ACTR10: variants seen among roughly 807,000 people sequenced by gnomAD.
The protein encoded by ACTR10 is actin related protein 10.
A neutral mutation model predicts 56.2 loss-of-function variants in ACTR10; 43 were observed. The observed-to-expected ratio is 0.77, with a 90% confidence interval of 0.60 to 0.99. The LOEUF (loss-of-function observed/expected upper bound fraction) is 0.99, where lower values mean the gene tolerates loss of function less well. Among genes scored for constraint, ACTR10 ranks in the 50% least tolerant of loss-of-function variants. The pLI, the probability that ACTR10 is intolerant of heterozygous loss-of-function variation, is 0.00. For missense variants in ACTR10, 466 were observed against 507.8 expected (o/e 0.92, Z 0.79); for synonymous variants, 170 against 176.3 (o/e 0.96, Z 0.28).
At chr14:58,226,755 A>G (rs1328936259) in intron 10 of ACTR10, among the ~76,000 whole-genome samples, 1 of 152,036 alleles carries the variant, frequency 6.6e-6, no homozygotes, top group East Asian at 1.9e-4. Context: ...CATGCGCACC[A>G]TGCCCAGCTA....
Position 58,232,071 on chromosome 14 carries a change from G to T in ACTR10, c.876G>T (p.Pro292=). The T allele has an allele frequency of 6.2e-7, 1 of 1,610,588 alleles. No homozygotes were observed. Among genetic ancestry groups the T allele is most frequent in the Non-Finnish European group, 8.5e-7 (1 of 1,177,450 alleles). Residue 292 remains proline (P), a synonymous_variant, in exon 12 of 13, where the codon CCG becomes CCT. Coordinates refer to ENST00000254286, the MANE Select transcript of ACTR10 (RefSeq NM_018477.3). ...TTTTTTCTTTTTAATAACAGTGTCC[G>T]ATAGACACCAGGAAGCAACTAGCAG... The part of the protein sequence containing the change: ...TLILDSLIQC[P]IDTRKQLAEN...
chr14:58,230,683 G>C (rs1032950536), intron 11 of ACTR10, among the ~76,000 whole-genome samples: 23 of 151,090 alleles, frequency 1.5e-4, no homozygotes, highest in African/African-American at 5.1e-4. Flanking sequence ...AAATTTTATA[G>C]TTCATGAGTT....
chr14:58,233,582 T>G (rs1889596727), intron 12 of ACTR10, among the ~76,000 whole-genome samples: 2 of 152,230 alleles, frequency 1.3e-5, no homozygotes, highest in Admixed American at 6.5e-5. Flanking sequence ...CAGTCAACAG[T>G]AGACTATTGG....
chr14:58,230,305 TAAAA>T (rs1264479115), intron 10 of ACTR10, 90 bp from the exon 11 acceptor site: 2 of 626,256 alleles, frequency 3.2e-6, no homozygotes, highest in Admixed American at 6.1e-5. Flanking sequence ...TATTGGTACT[TAAAA>T]ATACTATGTA....
chr14:58,219,788 T>C, intron 8 of ACTR10, 59 bp downstream of exon 8: 1 of 1,105,636 alleles, frequency 9.0e-7, no homozygotes, highest in Non-Finnish European at 1.3e-6. Flanking sequence ...GGAGGGCATA[T>C]GCTTCTAAAC....
intron 8 of ACTR10, among the ~76,000 whole-genome samples, chr14:58,220,759 A>G (rs1889246186): frequency 6.6e-6 from 1 of 152,230 alleles, no homozygotes; most frequent in Admixed American, 6.5e-5. Context: ...TATTGTTAGT[A>G]GTAAGGATTG....
intron 7 of ACTR10, among the ~76,000 whole-genome samples, chr14:58,217,846 C>T (rs1889172961): frequency 1.3e-5 from 2 of 152,046 alleles, no homozygotes; most frequent in African/African-American, 2.4e-5. Flanking sequence ...ATCATAGTAA[C>T]TCAAAAAGGC....
Position 58,213,643 on chromosome 14 carries a change from A to G in ACTR10, c.463A>G (p.Ile155Val), listed in dbSNP as rs1208011649. 6.2e-7 allele frequency: 1 copy of G among 1,611,264 alleles called. No homozygotes were observed. Among genetic ancestry groups the G allele is most frequent in the South Asian group, 1.1e-5 (1 of 90,832 alleles). Residue 155 changes from isoleucine (I) to valine (V), a missense_variant, in exon 6 of 13, where the codon ATC (isoleucine) becomes GTC (valine). Coordinates refer to ENST00000254286, the MANE Select transcript of ACTR10 (RefSeq NM_018477.3). ...GACTACTCTATAGATATATGAAGGA[A>G]TCCCAGTTCTAAATTGTTGGGGAGC... The part of the protein sequence containing the change: ...ESLVLPIYEG[I>V]PVLNCWGALP...
intron 7 of ACTR10, among the ~76,000 whole-genome samples, chr14:58,216,296 T>G (rs1037363293): frequency 7.2e-5 from 11 of 152,080 alleles, no homozygotes; most frequent in Non-Finnish European, 1.2e-4. Flanking sequence ...AGCTAATTTT[T>G]GGGGGGTACA....
At chr14:58,208,043 T>C in intron 3 of ACTR10, 25 bp downstream of exon 3, 1 of 1,492,610 alleles carries the variant, frequency 6.7e-7, no homozygotes, top group Non-Finnish European at 8.9e-7. Context: ...GTTTTCTAGC[T>C]TTTATGATTA....
At position 58,232,122 on chromosome 14, in the gene ACTR10, T is replaced by G. The variant is rs534887270; in HGVS notation, c.927T>G (p.Thr309=). The change falls in exon 12 of 13, where the codon ACT becomes ACG. Residue 309 remains threonine, a synonymous_variant. Transcript: ENST00000254286. ...LAENLVVIGG[T]SMLPGFLHRL... ...AGAATTTGGTAGTCATAGGTGGCAC[T>G]TCTATGTTGCCAGGATTTCTCCACA... The G allele has an allele frequency of 1.2e-6, 2 of 1,613,978 alleles. No individual in the cohort carries two copies. The highest frequency in any genetic ancestry group is 2.2e-5 in the South Asian group (2 of 91,080).
chr14:58,204,683 A>C (rs1888813462), intron 2 of ACTR10, among the ~76,000 whole-genome samples: 1 of 152,238 alleles, frequency 6.6e-6, no homozygotes, highest in Admixed American at 6.5e-5. Context: ...AATGCAACCC[A>C]ACAGAGTCAT....
intron 10 of ACTR10, among the ~76,000 whole-genome samples, chr14:58,228,167 CATATT>C (rs1184394739): frequency 6.6e-6 from 1 of 152,190 alleles, no homozygotes; most frequent in African/African-American, 2.4e-5. Context: ...ATTATCATCT[CATATT>C]AGAGACCCAA....
At position 58,200,195 on chromosome 14, in the gene ACTR10, TTC is replaced by T. The variant is rs1778975961; in HGVS notation, c.-18_-17del. On this transcript the variant is annotated 5_prime_UTR_variant, in exon 1 of 13. Transcript: ENST00000254286. ...GTTGGCCGCGGAGACTGCGACCCTC[TTC>T]TCTCAGTCTGCCTTACTACCATGCC... is the stretch of plus-strand genomic sequence containing the variant. The T allele has an allele frequency of 7.3e-6, 11 of 1,504,084 alleles. No individual in the cohort carries two copies. Among genetic ancestry groups the T allele is most frequent in the African/African-American group, 1.4e-5 (1 of 69,852 alleles). 93.2% of individuals were successfully genotyped at this position (1,504,084 alleles called of 1,614,324 possible). A position where few individuals can be genotyped will look rare whatever the true frequency, so the allele number is the denominator to read the frequency against.
At chr14:58,210,396 T>G (rs2140047241) in intron 4 of ACTR10, among the ~76,000 whole-genome samples, 1 of 152,166 alleles carries the variant, frequency 6.6e-6, no homozygotes, top group African/African-American at 2.4e-5. Context: ...CTCAGGAGAC[T>G]AAGGTGGGAG....
At chr14:58,226,992 G>A (rs2140061293) in intron 10 of ACTR10, among the ~76,000 whole-genome samples, 1 of 152,112 alleles carries the variant, frequency 6.6e-6, no homozygotes, top group Non-Finnish European at 1.5e-5. Context: ...AGCAAAAAAA[G>A]GGTTATTTAA....
intron 2 of ACTR10, among the ~76,000 whole-genome samples, chr14:58,206,321 G>A (rs572337165): frequency 1.1e-4 from 16 of 150,456 alleles, no homozygotes; most frequent in South Asian, 6.4e-4. Flanking sequence ...AATTACAGGC[G>A]CCCTCCACCA....
chr14:58,205,746 G>A (rs1046489983), intron 2 of ACTR10, among the ~76,000 whole-genome samples: 5 of 152,154 alleles, frequency 3.3e-5, no homozygotes, highest in Non-Finnish European at 7.4e-5. Context: ...TGGAAGCCGG[G>A]TGTGGTCTCT....
intron 7 of ACTR10, 23 bp downstream of exon 7, chr14:58,215,307 A>G: frequency 6.6e-7 from 1 of 1,513,010 alleles, no homozygotes; most frequent in Non-Finnish European, 9.1e-7. Flanking sequence ...TAAGTGGTTT[A>G]GGAGTGGTTT....
Sources: allele counts gnomAD v4.1 joint callset (sites outside exome capture counted in the v4.1 genomes callset), GRCh38; gene constraint gnomAD v4.1.1; transcripts MANE v1.5; gene names NCBI Gene and HGNC (gene_info 2026-07-23, HGNC 2026-07-21).